Variants in DAGLB observed in about 807,000 individuals in gnomAD.
DAGLB encodes the protein diacylglycerol lipase-beta.
Under a neutral mutation model 72.1 loss-of-function variants are expected in DAGLB, and 66 were observed. That is an observed-to-expected ratio of 0.92 (90% CI 0.75 to 1.12). DAGLB has a LOEUF of 1.12. Among genes scored for constraint, DAGLB ranks in the 50% most tolerant of loss-of-function variants. The pLI, the probability that DAGLB is intolerant of heterozygous loss-of-function variation, is 0.00. For missense variants in DAGLB, 1,065 were observed against 884.9 expected (o/e 1.20, Z -2.58); for synonymous variants, 414 against 359.5 (o/e 1.15, Z -1.71).
chr7:6,424,972 A>T, intron 7 of DAGLB, 137 bp from the exon 8 acceptor site: 1 of 766,716 alleles, frequency 1.3e-6, no homozygotes, highest in South Asian at 1.5e-5. Context: ...CTCTCCACTC[A>T]CGCTCACTAC....
In DAGLB at chr7:6,412,989, G is replaced by A. The variant is rs757864497; in HGVS notation, c.1473C>T (p.Val491=). 1.2e-6 allele frequency: 2 copies of A among 1,613,966 alleles called. No individual in the cohort carries two copies. The highest frequency in any genetic ancestry group is 1.1e-5 in the South Asian group (1 of 91,068). The change falls in exon 12 of 15, where the codon GTC becomes GTT. Residue 491 remains valine (V), a synonymous_variant. Transcript: ENST00000297056. The stretch of plus-strand genomic sequence containing the variant: ...ACCTGGGAATCACATCCTTCCCCAG[G>A]ACGAGTGACACGATGAAGCTCTGAG... ...EYSQSFIVSL[V]LGKDVIPRLS...
At chr7:6,419,435 T>G (rs1784034907) in intron 9 of DAGLB, among the ~76,000 whole-genome samples, 1 of 152,196 alleles carries the variant, frequency 6.6e-6, no homozygotes, top group African/African-American at 2.4e-5. Flanking sequence ...GGACGTGGAC[T>G]AAGCTGCTGC....
intron 2 of DAGLB, among the ~76,000 whole-genome samples, chr7:6,442,749 GCA>G (rs1784872069): frequency 1.3e-5 from 2 of 152,104 alleles, no homozygotes; most frequent in Admixed American, 1.3e-4. Flanking sequence ...GTTTCTAGAG[GCA>G]TACTAAAATA....
chr7:6,447,273 TCTC>T (rs1240429240), intron 1 of DAGLB, among the ~76,000 whole-genome samples: 1 of 152,214 alleles, frequency 6.6e-6, no homozygotes, highest in Non-Finnish European at 1.5e-5. Flanking sequence ...CCTGTCTGCT[TCTC>T]ACGAAATGCA....
chr7:6,421,322 GGCGCAGGCAGC>G (rs1375237627), intron 9 of DAGLB, among the ~76,000 whole-genome samples: 2 of 125,370 alleles, frequency 1.6e-5, no homozygotes, highest in Non-Finnish European at 1.6e-5. Context: ...CAGCGCGGGA[GGCGCAGGCAGC>G]GCGGGAGGCG....
chr7:6,440,168 G>A (rs1307052643), intron 2 of DAGLB, among the ~76,000 whole-genome samples: 1 of 151,530 alleles, frequency 6.6e-6, no homozygotes, highest in East Asian at 2.0e-4. Flanking sequence ...TGAGGCGGCA[G>A]ATCACCTGGA....
chr7:6,412,415 A>G (rs2115237931), intron 13 of DAGLB, among the ~76,000 whole-genome samples: 1 of 152,270 alleles, frequency 6.6e-6, no homozygotes, highest in East Asian at 1.9e-4. Flanking sequence ...AGGACTAAGA[A>G]GTTTGTCAGA....
intron 2 of DAGLB, among the ~76,000 whole-genome samples, chr7:6,441,419 T>G (rs1195596768): frequency 1.5e-5 from 2 of 134,724 alleles, no homozygotes; most frequent in African/African-American, 2.8e-5. Context: ...AAACATTTTT[T>G]TCTTTTTTTT....
chr7:6,425,008 C>T (rs1333529132), intron 7 of DAGLB, among the ~76,000 whole-genome samples, 173 bp from the exon 8 acceptor site: 1 of 152,234 alleles, frequency 6.6e-6, no homozygotes, highest in Non-Finnish European at 1.5e-5. Context: ...CTGGCAGGGA[C>T]TGGCCTTCAT....
intron 2 of DAGLB, among the ~76,000 whole-genome samples, chr7:6,444,141 G>T (rs776348793): frequency 7.2e-5 from 11 of 152,120 alleles, no homozygotes; most frequent in Middle Eastern, 3.2e-3. Flanking sequence ...AGGTATGGTG[G>T]CACGTGCCTG....
At chr7:6,445,406 A>G (rs1295581381) in intron 2 of DAGLB, among the ~76,000 whole-genome samples, 3 of 152,210 alleles carry the variant, frequency 2.0e-5, no homozygotes, top group Non-Finnish European at 4.4e-5. Context: ...CACTTATATG[A>G]TGTCCACAAT....
intron 5 of DAGLB, among the ~76,000 whole-genome samples, chr7:6,431,707 G>A (rs1784493769): frequency 6.6e-6 from 1 of 152,164 alleles, no homozygotes; most frequent in African/African-American, 2.4e-5. Context: ...AGGAGACAGA[G>A]GGTGCAGTGA....
intron 2 of DAGLB, among the ~76,000 whole-genome samples, chr7:6,443,387 T>G (rs1309177724): frequency 6.6e-6 from 1 of 151,750 alleles, no homozygotes; most frequent in African/African-American, 2.4e-5. Flanking sequence ...GAGGCAGAGG[T>G]TGGTTGCAGT....
intron 6 of DAGLB, among the ~76,000 whole-genome samples, chr7:6,429,644 T>C (rs770672361): frequency 6.6e-6 from 1 of 151,986 alleles, no homozygotes; most frequent in Non-Finnish European, 1.5e-5. Context: ...GGCTGACGCC[T>C]GTAATCTCAG....
Position 6,426,187 on chromosome 7 carries a change from A to C in DAGLB, c.930-73T>G, listed in dbSNP as rs949994867. 3 of 1,594,694 alleles carry C rather than the reference A, an allele frequency of 1.9e-6. No individual in the cohort carries two copies. In the East Asian group the frequency reaches 6.8e-5, roughly 36 times the overall value. On this transcript the variant is annotated intron_variant, in intron 6 of 14. Coordinates refer to ENST00000297056, the MANE Select transcript of DAGLB (RefSeq NM_139179.4). Reference sequence around the variant, plus strand: ...AAGGAACGTCCATCCTCACTGCCACATGTTCCCAGAGACGCGAGGACCAGA... The same window carrying C: ...AAGGAACGTCCATCCTCACTGCCACCTGTTCCCAGAGACGCGAGGACCAGA...
At chr7:6,412,772 C>A in intron 13 of DAGLB, 39 bp downstream of exon 13, 1 of 1,556,430 alleles carries the variant, frequency 6.4e-7, no homozygotes, top group East Asian at 2.4e-5. Flanking sequence ...GGGACAGGCC[C>A]CGTGTCCTGC....
chr7:6,438,901 C>T (rs992385568), intron 2 of DAGLB, among the ~76,000 whole-genome samples: 1 of 148,372 alleles, frequency 6.7e-6, no homozygotes, highest in Middle Eastern at 3.2e-3. Context: ...CTGAGAAAAT[C>T]TCCTTTACAC....
intron 11 of DAGLB, among the ~76,000 whole-genome samples, chr7:6,415,864 A>G (rs924330959): frequency 1.3e-5 from 2 of 151,662 alleles, no homozygotes; most frequent in Non-Finnish European, 2.9e-5. Context: ...AAAAAAAGTA[A>G]TTTTCAAACT....
At chr7:6,417,167 A>AG in intron 9 of DAGLB, 1 of 455,360 alleles carries the variant, frequency 2.2e-6, no homozygotes, top group Non-Finnish European at 4.0e-6. Context: ...AGGCCAAGGC[A>AG]GGAGGACACT....
Sources: gnomAD v4.1 joint callset for allele counts (sites outside exome capture counted in the v4.1 genomes callset) on GRCh38, gnomAD v4.1.1 for gene constraint, MANE v1.5 for transcripts, NCBI Gene and HGNC (gene_info 2026-07-23, HGNC 2026-07-21) for gene names.